The following ARID2 variants were observed in gnomAD, a reference collection of about 807,000 sequenced individuals.
ARID2 encodes AT-rich interaction domain 2.
Under a neutral mutation model 184.6 loss-of-function variants are expected in ARID2, and 32 were observed. The ratio of observed to expected loss-of-function variants is 0.17; its 90% CI spans 0.13 to 0.23. The LOEUF is 0.23. Among genes scored for constraint, ARID2 ranks in the 10% least tolerant of loss-of-function variants. The pLI, the probability that ARID2 is intolerant of heterozygous loss-of-function variation, is 1.00. For synonymous variants in ARID2, 836 were observed against 772.6 expected (o/e 1.08, Z -1.36); for missense variants, 1,696 against 2,197.6 (o/e 0.77, Z 4.56).
chr12:45,742,163 A>G (rs1373023327), intron 3 of ARID2, among the ~76,000 whole-genome samples: 1 of 152,216 alleles, frequency 6.6e-6, no homozygotes, highest in African/African-American at 2.4e-5. Flanking sequence ...TTTAGACTGA[A>G]GATGTATTGT....
At chr12:45,774,862 A>T (rs1408408528) in intron 3 of ARID2, among the ~76,000 whole-genome samples, 1 of 152,192 alleles carries the variant, frequency 6.6e-6, no homozygotes, top group Non-Finnish European at 1.5e-5. Flanking sequence ...TTTTCAATTT[A>T]CTGCTGTTCT....
At chr12:45,752,276 A>G (rs946120656) in intron 3 of ARID2, among the ~76,000 whole-genome samples, 14 of 152,186 alleles carry the variant, frequency 9.2e-5, no homozygotes, top group African/African-American at 3.4e-4. Context: ...ACCTTAATAA[A>G]TGCTGTCTAC....
intron 3 of ARID2, among the ~76,000 whole-genome samples, chr12:45,744,333 C>T (rs1941318508): frequency 6.6e-6 from 1 of 151,918 alleles, no homozygotes; most frequent in Admixed American, 6.6e-5. Flanking sequence ...TATTGTTAGA[C>T]TTAGAAATCA....
chr12:45,810,922 C>A (rs1291029416), intron 3 of ARID2, among the ~76,000 whole-genome samples: 1 of 152,034 alleles, frequency 6.6e-6, no homozygotes, highest in African/African-American at 2.4e-5. Flanking sequence ...AGAACCATTG[C>A]ATTGAGGCCG....
rs116276554 is a variant in ARID2, at chr12:45,825,161, A to G, written c.705+3674A>G. Among the ~76,000 whole-genome samples, 1,071 of 152,170 alleles carry G rather than the reference A, an allele frequency of 7.0e-3. 10 individuals carry two copies. Among genetic ancestry groups the G allele is most frequent in the African/African-American group, 0.024 (1,010 of 41,540 alleles). ...TACCTAGTTAGAAAGAATAAATAAT[A>G]AATTCTAGTGTTTTATAGGACAGTA... On this transcript the variant is annotated intron_variant, in intron 6 of 20. Transcript: ENST00000334344.
At chr12:45,800,967 G>C (rs1157960543) in intron 3 of ARID2, among the ~76,000 whole-genome samples, 1 of 152,062 alleles carries the variant, frequency 6.6e-6, no homozygotes, top group South Asian at 2.1e-4. Context: ...GTAAATAAAC[G>C]AGAGAGGATG....
At chr12:45,815,476 T>G (rs1942788592) in intron 4 of ARID2, among the ~76,000 whole-genome samples, 1 of 152,116 alleles carries the variant, frequency 6.6e-6, no homozygotes, top group Non-Finnish European at 1.5e-5. Flanking sequence ...CTAGAATAGG[T>G]TAGAATTGAA....
At chr12:45,839,235 C>A in intron 10 of ARID2, 94 bp from the exon 11 acceptor site, 1 of 1,154,288 alleles carries the variant, frequency 8.7e-7, no homozygotes, top group Non-Finnish European at 1.2e-6. Flanking sequence ...CATTTATTCA[C>A]ATTGATAAGT....
chr12:45,808,167 A>G (rs7975170), intron 3 of ARID2, among the ~76,000 whole-genome samples: 15,448 of 152,220 alleles, frequency 0.1, 2,553 homozygotes, highest in African/African-American at 0.34. Context: ...ATCTGTTGAT[A>G]TGTAAACTCA....
intron 6 of ARID2, among the ~76,000 whole-genome samples, chr12:45,828,139 T>A (rs939063036): frequency 6.6e-6 from 1 of 152,072 alleles, no homozygotes; most frequent in African/African-American, 2.4e-5. Context: ...ATTAGAACAT[T>A]ATCAACACCT....
At chr12:45,759,914 C>T (rs933371177) in intron 3 of ARID2, among the ~76,000 whole-genome samples, 2 of 151,958 alleles carry the variant, frequency 1.3e-5, no homozygotes, top group Admixed American at 1.3e-4. Context: ...TTAACAAGCA[C>T]CTTTTCATGT....
At chr12:45,736,170 A>G (rs565277571) in intron 3 of ARID2, among the ~76,000 whole-genome samples, 1 of 152,284 alleles carries the variant, frequency 6.6e-6, no homozygotes, top group East Asian at 1.9e-4. Flanking sequence ...AGTCTGGCTA[A>G]CACAGTGAAA....
chr12:45,730,811 A>G (rs1032133120), intron 2 of ARID2, among the ~76,000 whole-genome samples: 5 of 139,724 alleles, frequency 3.6e-5, no homozygotes, highest in African/African-American at 1.3e-4. Flanking sequence ...AATCGGCCCC[A>G]GCCCCGGCCC....
intron 3 of ARID2, among the ~76,000 whole-genome samples, chr12:45,753,051 G>A (rs1050073725): frequency 1.3e-4 from 20 of 151,862 alleles, no homozygotes; most frequent in Middle Eastern, 3.2e-3. Context: ...ACCTGAGGTC[G>A]GGAGTTCAAG....
intron 3 of ARID2, among the ~76,000 whole-genome samples, chr12:45,809,273 T>C (rs1942659211): frequency 6.6e-6 from 1 of 152,248 alleles, no homozygotes; most frequent in Non-Finnish European, 1.5e-5. Context: ...CCTTTATGAA[T>C]ACTATTATAT....
intron 3 of ARID2, chr12:45,789,772 C>CT (rs1942261231): frequency 6.6e-6 from 1 of 151,992 alleles, no homozygotes; most frequent in African/African-American, 2.4e-5. Context: ...GAAATTGAAC[C>CT]TTTTATCATT....
chr12:45,743,959 G>GCA (rs1287879014), intron 3 of ARID2, among the ~76,000 whole-genome samples: 3 of 151,806 alleles, frequency 2.0e-5, no homozygotes, highest in Non-Finnish European at 2.9e-5. Flanking sequence ...CTAACCTGCT[G>GCA]CCTTACTAAA....
intron 6 of ARID2, among the ~76,000 whole-genome samples, chr12:45,835,408 A>T (rs1310702990): frequency 2.0e-5 from 3 of 151,962 alleles, no homozygotes; most frequent in Non-Finnish European, 4.4e-5. Flanking sequence ...TTTGTCATAG[A>T]TTTTTTGTGC....
At chr12:45,883,466 A>G (rs1220848460) in intron 16 of ARID2, among the ~76,000 whole-genome samples, 2 of 150,188 alleles carry the variant, frequency 1.3e-5, no homozygotes, top group African/African-American at 2.5e-5. Flanking sequence ...AACAAAAACA[A>G]AGAAACAAAC....
Sources: allele counts gnomAD v4.1 joint callset (sites outside exome capture counted in the v4.1 genomes callset), GRCh38; gene constraint gnomAD v4.1.1; transcripts MANE v1.5; gene names NCBI Gene and HGNC (gene_info 2026-07-23, HGNC 2026-07-21).